The following BCAS3 variants were observed in gnomAD, a reference collection of about 807,000 sequenced individuals.
The protein encoded by BCAS3 is BCAS4/BCAS3 fusion.
Under a neutral mutation model 116.1 loss-of-function variants are expected in BCAS3, and 53 were observed. The ratio of observed to expected loss-of-function variants is 0.46; its 90% CI spans 0.37 to 0.57. The LOEUF is 0.57. BCAS3 is among the 20% of genes least tolerant of loss of function. The probability of loss-of-function intolerance (pLI) is 0.00; values close to 1 mark genes in which losing one functional copy is unlikely to be tolerated. For synonymous variants in BCAS3, 391 were observed against 408.2 expected, an observed-to-expected ratio of 0.96 and a Z score of 0.51; for missense variants, 917 against 1,165.4, an observed-to-expected ratio of 0.79 and a Z score of 3.10.
Position 60,772,006 on chromosome 17 carries a change from C to T in BCAS3, c.403+24727C>T, listed in dbSNP as rs552838618. 3.7e-3 allele frequency among the ~76,000 whole-genome samples: 564 copies of T among 152,222 alleles called. 7 individuals carry two copies. The highest frequency in any genetic ancestry group is 0.013 in the African/African-American group (527 of 41,512). ...GTCTTTGCTCTTGTGAATAGTGCCG[C>T]AATAAACATACGTGTGCATGTGTCT... On this transcript the variant is annotated intron_variant, in intron 6 of 23. Transcript: ENST00000407086.
At chr17:60,934,033 C>G (rs776867115) in intron 13 of BCAS3, among the ~76,000 whole-genome samples, 1 of 151,842 alleles carries the variant, frequency 6.6e-6, no homozygotes, top group Non-Finnish European at 1.5e-5. Context: ...GGGTGACTTA[C>G]GATTAGGTAG....
At chr17:61,078,242 A>T in intron 20 of BCAS3, 91 bp from the exon 21 acceptor site, 1 of 986,352 alleles carries the variant, frequency 1.0e-6, no homozygotes, top group Non-Finnish European at 1.5e-6. Context: ...TTCTTGAAGA[A>T]TGTGGGTGTT....
In BCAS3 at chr17:61,364,404, T is replaced by C. The variant is rs952285406; in HGVS notation, c.2426-3923T>C. Among the ~76,000 whole-genome samples the C allele has an allele frequency of 2.0e-5, 3 of 152,186 alleles. No homozygotes were observed. The highest frequency in any genetic ancestry group is 2.9e-5 in the Non-Finnish European group (2 of 68,032). Reference sequence around the variant, plus strand: ...GGAGTTCTCAAAATGGTAGGAAAGATAGAAGTGGTTTACACATATTGTGGT... The same window carrying C: ...GGAGTTCTCAAAATGGTAGGAAAGACAGAAGTGGTTTACACATATTGTGGT... On this transcript the variant is annotated intron_variant, in intron 22 of 23. Coordinates refer to ENST00000407086, the MANE Select transcript of BCAS3 (RefSeq NM_017679.5). The surrounding 1 kb of genome is among the most constrained non-coding windows in gnomAD (Gnocchi z 5.4).
chr17:60,955,386 A>ATTTTTTT lies in BCAS3; in HGVS notation c.1221+8047_1221+8053dup, dbSNP rs1016334366. ...AAAGGATCTAGTTCAGGGAAACTGA[A>ATTTTTTT]TTTTTTTTTTTTTTTTTTTGAGACA... On this transcript the variant is annotated intron_variant, in intron 14 of 23. Transcript: ENST00000407086. Among the ~76,000 whole-genome samples the ATTTTTTT allele has an allele frequency of 1.0e-4, 13 of 128,088 alleles. 1 individual carries two copies. The highest frequency in any genetic ancestry group is 4.2e-4 in the African/African-American group (12 of 28,292). 84.0% of individuals were successfully genotyped at this position (128,088 alleles called of 152,430 possible).
At chr17:60,732,314 C>A (rs1173320232) in intron 5 of BCAS3, among the ~76,000 whole-genome samples, 1 of 152,114 alleles carries the variant, frequency 6.6e-6, no homozygotes, top group Non-Finnish European at 1.5e-5. Context: ...GGTAACTCTG[C>A]ATTTATATGT....
Position 61,313,641 on chromosome 17 carries a change from C to T in BCAS3, c.2426-54686C>T, listed in dbSNP as rs957025526. On this transcript the variant is annotated intron_variant, in intron 22 of 23. Transcript: ENST00000407086. The surrounding 1 kb of genome is among the most constrained non-coding windows in gnomAD (Gnocchi z 4.3). Reference sequence around the variant, plus strand: ...TCCAGCTCGGCGTCCTCCCTCGGGTCCTGCTCGCTGAAGAGGTACAGCATC... The same window carrying T: ...TCCAGCTCGGCGTCCTCCCTCGGGTTCTGCTCGCTGAAGAGGTACAGCATC... Among the ~76,000 whole-genome samples, 5 of 152,204 alleles carry T rather than the reference C, an allele frequency of 3.3e-5. No homozygotes were observed. The highest frequency in any genetic ancestry group is 1.2e-4 in the African/African-American group (5 of 41,444).
At position 61,244,862 on chromosome 17, in the gene BCAS3, CA is replaced by C. The variant is rs926901484; in HGVS notation, c.2426-123457del. On this transcript the variant is annotated intron_variant, in intron 22 of 23. Coordinates refer to ENST00000407086, the MANE Select transcript of BCAS3 (RefSeq NM_017679.5). The surrounding 1 kb of genome is among the most constrained non-coding windows in gnomAD (Gnocchi z 4.9). The stretch of plus-strand genomic sequence containing the variant: ...TGAGCAACAGAGTGAGACTCCGTCT[CA>C]AAAAAAATAAATAAATAAAAAAGGA... Among the ~76,000 whole-genome samples the C allele has an allele frequency of 5.3e-5, 8 of 151,028 alleles. No individual in the cohort carries two copies. The highest frequency in any genetic ancestry group is 1.7e-4 in the African/African-American group (7 of 41,146).
rs2049214876 is a variant in BCAS3 at position 61,261,643 on chromosome 17, G to A, written c.2426-106684G>A. On this transcript the variant is annotated intron_variant, in intron 22 of 23. Transcript: ENST00000407086. This position sits in a 1 kb window ranked among gnomAD's most constrained non-coding sequence, Gnocchi z 4.4. The stretch of plus-strand genomic sequence containing the variant: ...GATGTGACCATCTCCACGATTTCTA[G>A]TGTACAAATTGATGGTTGCATATAC... Among the ~76,000 whole-genome samples the A allele has an allele frequency of 6.6e-6, 1 of 152,144 alleles. No homozygotes were observed. The highest frequency in any genetic ancestry group is 2.1e-4 in the South Asian group (1 of 4,828).
Position 61,391,180 on chromosome 17 carries a change from T to A in BCAS3, c.2594-797T>A, listed in dbSNP as rs995340989. ...GAATTAGATGGATCAAGCTGCCATA[T>A]CTGAGGTGGCAACATGGATGTGCAG... On this transcript the variant is annotated intron_variant, in intron 23 of 23. Transcript: ENST00000407086. This position sits in a 1 kb window ranked among gnomAD's most constrained non-coding sequence, Gnocchi z 7.7. The A allele has an allele frequency of 6.6e-6, 1 of 152,288 alleles. No homozygotes were observed. Among genetic ancestry groups the A allele is most frequent in the African/African-American group, 2.4e-5 (1 of 41,420 alleles). 9.4% of individuals were successfully genotyped at this position (152,288 alleles called of 1,614,324 possible). A position where few individuals can be genotyped will look rare whatever the true frequency, so the allele number is the denominator to read the frequency against.
chr17:61,086,612 T>G (rs942433644), intron 22 of BCAS3: 1 of 866,812 alleles, frequency 1.2e-6, no homozygotes, highest in African/African-American at 1.8e-5. Flanking sequence ...TGAGTTTCGA[T>G]GGCATTGACC....
intron 22 of BCAS3, among the ~76,000 whole-genome samples, chr17:61,342,333 C>T (rs1486528041): frequency 2.0e-5 from 3 of 152,228 alleles, no homozygotes; most frequent in Admixed American, 6.5e-5. Flanking sequence ...CCTTGGCCAA[C>T]GTGCTTATGA....
rs961708651 is a variant in BCAS3 at position 61,104,763 on chromosome 17, A to C, written c.2425+20199A>C. ...CCTCTCCATAAAAAAAATGCTTACA[A>C]CTTTATCTTACATTTTACTCAGCAG... On this transcript the variant is annotated intron_variant, in intron 22 of 23. Transcript: ENST00000407086. This position sits in a 1 kb window ranked among gnomAD's most constrained non-coding sequence, Gnocchi z 4.1. Among the ~76,000 whole-genome samples the C allele has an allele frequency of 5.3e-5, 8 of 152,198 alleles. No individual in the cohort carries two copies. Among genetic ancestry groups the C allele is most frequent in the Non-Finnish European group, 1.0e-4 (7 of 68,032 alleles).
At chr17:61,338,195 G>C (rs1042314872) in intron 22 of BCAS3, among the ~76,000 whole-genome samples, 1 of 152,186 alleles carries the variant, frequency 6.6e-6, no homozygotes, top group African/African-American at 2.4e-5. Flanking sequence ...GGCGGTAGGG[G>C]ACAAACACTT....
At position 61,068,235 on chromosome 17, in the gene BCAS3, T is replaced by C. The variant is rs2070935240; in HGVS notation, c.2030-6685T>C. ...ACTTTATTTTTCTTTAAATAAACTC[T>C]ATTAAGTTTTTTTTAGTACCTCCAT... On this transcript the variant is annotated intron_variant, in intron 19 of 23. Coordinates refer to ENST00000407086, the MANE Select transcript of BCAS3 (RefSeq NM_017679.5). The surrounding 1 kb of genome is among the most constrained non-coding windows in gnomAD (Gnocchi z 4.3). Among the ~76,000 whole-genome samples, 1 of 152,244 alleles carries C rather than the reference T, an allele frequency of 6.6e-6. No individual in the cohort carries two copies. The highest frequency in any genetic ancestry group is 1.5e-5 in the Non-Finnish European group (1 of 68,048).
At chr17:61,120,559 G>A (rs1451545024) in intron 22 of BCAS3, among the ~76,000 whole-genome samples, 1 of 152,050 alleles carries the variant, frequency 6.6e-6, no homozygotes, top group Non-Finnish European at 1.5e-5. Context: ...ATAGCCTGAT[G>A]TATCCCTGAA....
chr17:61,002,981 A>G (rs1375167513), intron 15 of BCAS3, among the ~76,000 whole-genome samples: 1 of 152,054 alleles, frequency 6.6e-6, no homozygotes, highest in Non-Finnish European at 1.5e-5. Context: ...AGTCAAAAAT[A>G]TAATTTTATA....
At chr17:60,885,804 C>T (rs1322202270) in intron 9 of BCAS3, among the ~76,000 whole-genome samples, 18 of 144,096 alleles carry the variant, frequency 1.2e-4, no homozygotes, top group South Asian at 2.1e-4. Flanking sequence ...GGGTTTCTGC[C>T]GAGAGATCTG....
At chr17:60,804,430 G>A (rs1055238531) in intron 6 of BCAS3, among the ~76,000 whole-genome samples, 2 of 151,918 alleles carry the variant, frequency 1.3e-5, no homozygotes, top group Admixed American at 6.6e-5. Context: ...GCAGTGTGCC[G>A]AGATCATGCC....
At chr17:61,096,352 T>C (rs1208202631) in intron 22 of BCAS3, among the ~76,000 whole-genome samples, 1 of 152,150 alleles carries the variant, frequency 6.6e-6, no homozygotes, top group Non-Finnish European at 1.5e-5. Context: ...TAAACTTGTA[T>C]CCCAGCCTGG....
Sources: gnomAD v4.1 joint callset for allele counts (sites outside exome capture counted in the v4.1 genomes callset) on GRCh38, gnomAD v4.1.1 for gene constraint, Gnocchi (gnomAD v3.1) non-coding constraint, MANE v1.5 for transcripts, NCBI Gene and HGNC (gene_info 2026-07-23, HGNC 2026-07-21) for gene names.